DLG4: variants seen among roughly 807,000 people sequenced by gnomAD.
DLG4 encodes disks large homolog 4.
DLG4 carries 7 observed loss-of-function variants against 93.8 expected under a neutral mutation model. The observed-to-expected ratio is 0.07, with a 90% CI of 0.04 to 0.14. The LOEUF (loss-of-function observed/expected upper bound fraction) is 0.14. Among genes scored for constraint, DLG4 ranks in the 10% least tolerant of loss-of-function variants. DLG4 has a pLI of 1.00. For missense variants in DLG4, 545 were observed against 992.9 expected, an observed-to-expected ratio of 0.55 and a Z score of 6.06; for synonymous variants, 341 against 387.6, an observed-to-expected ratio of 0.88 and a Z score of 1.41.
chr17:7,194,123 G>A lies in DLG4; in HGVS notation c.1479-123C>T. On this transcript the variant is annotated intron_variant, in intron 12 of 19. Transcript: ENST00000399506. This position sits in a 1 kb window ranked among gnomAD's most constrained non-coding sequence, Gnocchi z 4.4. Reference sequence around the variant, plus strand: ...GCCAGCTGACACCCCTTCTCCTGCAGCCCTGGACACTGTGCTCCTCAATAA... The same window carrying A: ...GCCAGCTGACACCCCTTCTCCTGCAACCCTGGACACTGTGCTCCTCAATAA... The A allele has an allele frequency of 1.4e-6, 2 of 1,383,506 alleles. No homozygotes were observed. Among genetic ancestry groups the A allele is most frequent in the Admixed American group, 2.1e-5 (1 of 47,772 alleles). 85.7% of individuals were successfully genotyped at this position (1,383,506 alleles called of 1,614,324 possible). A position where few individuals can be genotyped will look rare whatever the true frequency, so the allele number is the denominator to read the frequency against.
intron 8 of DLG4, among the ~76,000 whole-genome samples, chr17:7,198,642 G>C (rs1449768279): frequency 6.6e-6 from 1 of 151,708 alleles, no homozygotes; most frequent in African/African-American, 2.4e-5. Flanking sequence ...AAGGTCAGGA[G>C]TTCAAAACCA....
upstream of DLG4, chr17:7,219,648 A>T: frequency 7.9e-7 from 1 of 1,258,518 alleles, no homozygotes; most frequent in South Asian, 1.8e-5. Flanking sequence ...CCCTCCCTTC[A>T]GTCCACCTCC....
intron 2 of DLG4, chr17:7,204,824 G>A (rs2070373452): frequency 2.1e-6 from 1 of 480,536 alleles, no homozygotes; most frequent in Non-Finnish European, 2.7e-6. Flanking sequence ...GGAATCCGGG[G>A]TTCCCCAGCT....
At chr17:7,218,588 G>A, upstream of DLG4, 1 of 1,566,816 alleles carries the variant, frequency 6.4e-7, no homozygotes, top group Non-Finnish European at 8.7e-7. Context: ...GAGGAGTGGG[G>A]GTGCCCACCG....
rs867401882 is a variant in DLG4 at position 7,196,550 on chromosome 17, G to A, written c.1109C>T (p.Ala370Val). Reference protein sequence around the residue: ...LSVNGVDLRNASHEQAAIALK... With the variant: ...LSVNGVDLRNVSHEQAAIALK... ...GGCAATGGCAGCCTGCTCATGGCTG[G>A]CATTTCGGAGGTCCACACCGTTGAC... The change falls in exon 10 of 20, where the codon GCC (alanine) becomes GTC (valine). Residue 370 changes from alanine (A) to valine (V), a missense_variant. Transcript: ENST00000399506. The surrounding 1 kb of genome is among the most constrained non-coding windows in gnomAD (Gnocchi z 8.3). The A allele has an allele frequency of 6.2e-7, 1 of 1,614,014 alleles. No individual in the cohort carries two copies. Among genetic ancestry groups the A allele is most frequent in the Non-Finnish European group, 8.5e-7 (1 of 1,179,880 alleles).
At position 7,194,461 on chromosome 17, in the gene DLG4, C is replaced by T. The variant is rs757152488; in HGVS notation, c.1336G>A (p.Gly446Ser). The change falls in exon 12 of 20, where the codon GGC (glycine) becomes AGC (serine). Residue 446 changes from glycine to serine, a missense_variant. Gly to Ser is a moderately conservative substitution (Grantham distance 56). This residue lies in a region of DLG4 where 428 missense variants were observed against 741.4 expected (regional missense o/e 0.58). Coordinates refer to ENST00000399506, the MANE Select transcript of DLG4 (RefSeq NM_001321075.3). The surrounding 1 kb of genome is among the most constrained non-coding windows in gnomAD (Gnocchi z 4.4). ...AAGCTCAGGGCCTGGCTCAGGAAGCCGCAGTCCTTGGTCTTGTCGTAATCA... is the reference window on the plus strand; with the variant it reads ...AAGCTCAGGGCCTGGCTCAGGAAGCTGCAGTCCTTGGTCTTGTCGTAATCA... ...LFDYDKTKDCGFLSQALSFRF... is the reference protein window; with the variant it reads ...LFDYDKTKDCSFLSQALSFRF... 5.0e-6 allele frequency: 8 copies of T among 1,610,476 alleles called. No individual in the cohort carries two copies. The highest frequency in any genetic ancestry group is 6.8e-6 in the Non-Finnish European group (8 of 1,178,430).
chr17:7,210,069 A>C (rs1421543795), intron 1 of DLG4, among the ~76,000 whole-genome samples: 3 of 152,146 alleles, frequency 2.0e-5, no homozygotes, highest in Admixed American at 6.5e-5. Context: ...GGGCGAGCAG[A>C]ATTTCCCTCC....
chr17:7,193,566 A>G lies in DLG4; in HGVS notation c.1610T>C (p.Ile537Thr). 6.5e-7 allele frequency: 1 copy of G among 1,530,486 alleles called. No individual in the cohort carries two copies. Among genetic ancestry groups the G allele is most frequent in the Admixed American group, 2.2e-5 (1 of 44,464 alleles). The allele number at this position is 1,530,486 out of a possible 1,614,324, so 94.8% of individuals were successfully genotyped here. ...GTCCTTGGTGGGCCCAAGGATGATG[A>G]TGGGGCGAGCATAGTGCACTGCAGA... ...TQMEVHYARP[I>T]IILGPTKDRA... Residue 537 changes from isoleucine to threonine, a missense_variant, in exon 16 of 20, where the codon ATC becomes ACC. Ile to Thr is a moderately conservative substitution (Grantham distance 89). This residue lies in a region of DLG4 where 428 missense variants were observed against 741.4 expected (regional missense o/e 0.58). Coordinates refer to ENST00000399506, the MANE Select transcript of DLG4 (RefSeq NM_001321075.3). This position sits in a 1 kb window ranked among gnomAD's most constrained non-coding sequence, Gnocchi z 6.7.
rs1254485466 is a variant in DLG4, at chr17:7,192,748, AGGGAGGT to A, written c.1866+190_1866+196del. On this transcript the variant is annotated intron_variant, in intron 17 of 19. Transcript: ENST00000399506. ...GTGGGGAATTTGGGGTCAGGAAGTGAGGGAGGTGGGAGAGAGAGCAGGGGCAGAGAGC... is the reference window on the plus strand; with the variant it reads ...GTGGGGAATTTGGGGTCAGGAAGTGAGGGAGAGAGAGCAGGGGCAGAGAGC... 4.6e-5 allele frequency among the ~76,000 whole-genome samples: 7 copies of A among 151,814 alleles called. 1 individual carries two copies. In the East Asian group the frequency reaches 1.2e-3, roughly 25 times the overall value.
intron 8 of DLG4, among the ~76,000 whole-genome samples, chr17:7,202,399 G>A (rs2070188046): frequency 6.6e-6 from 1 of 152,134 alleles, no homozygotes; most frequent in South Asian, 2.1e-4. Context: ...CATATTAAGA[G>A]ATTTCCTAAT....
In DLG4 at chr17:7,196,662, G is replaced by T. The variant is rs2069804036; in HGVS notation, c.1084-87C>A. The T allele has an allele frequency of 5.0e-6, 8 of 1,586,776 alleles. No homozygotes were observed. The South Asian group carries it at 9.0e-5, about 18-fold the overall frequency. ...GGAGCAGGGAGTGGTCCCGCAAGAG[G>T]ACTCGGCTGCAGCCCATCCAGGCCC... On this transcript the variant is annotated intron_variant, in intron 9 of 19. Coordinates refer to ENST00000399506, the MANE Select transcript of DLG4 (RefSeq NM_001321075.3). The surrounding 1 kb of genome is among the most constrained non-coding windows in gnomAD (Gnocchi z 8.3).
intron 17 of DLG4, chr17:7,192,306 G>A: frequency 2.6e-6 from 1 of 380,968 alleles, no homozygotes. Flanking sequence ...AGCCGGGGCA[G>A]CAGCGAGTGG....
chr17:7,209,436 G>A (rs1259485197), intron 1 of DLG4, among the ~76,000 whole-genome samples: 1 of 151,972 alleles, frequency 6.6e-6, no homozygotes, highest in African/African-American at 2.4e-5. Flanking sequence ...GGTATCATAC[G>A]CAGGGATCCC....
rs2070584746 is a variant in DLG4 at position 7,208,544 on chromosome 17, G to A, written c.31-305C>T. ...GGTGGGCATAGCCCCTCTGGCATCTGTGTCTTCACCCCTTTCCCCACCACC... is the reference window on the plus strand; with the variant it reads ...GGTGGGCATAGCCCCTCTGGCATCTATGTCTTCACCCCTTTCCCCACCACC... On this transcript the variant is annotated intron_variant, in intron 1 of 19. Transcript: ENST00000399506. This position sits in a 1 kb window ranked among gnomAD's most constrained non-coding sequence, Gnocchi z 5.4. Among the ~76,000 whole-genome samples the A allele has an allele frequency of 6.6e-6, 1 of 152,050 alleles. No homozygotes were observed. The highest frequency in any genetic ancestry group is 1.5e-5 in the Non-Finnish European group (1 of 68,008).
chr17:7,212,548 C>G (rs1280861905), intron 1 of DLG4, among the ~76,000 whole-genome samples: 1 of 152,152 alleles, frequency 6.6e-6, no homozygotes, highest in Non-Finnish European at 1.5e-5. Flanking sequence ...TCCTAATATG[C>G]CAGTCTCCAA....
At chr17:7,217,961 G>A, upstream of DLG4, 1 of 813,202 alleles carries the variant, frequency 1.2e-6, no homozygotes, top group Non-Finnish European at 1.9e-6. Context: ...ATCCCTGGGG[G>A]CCTAGTTCTC....
chr17:7,192,941 C>A lies in DLG4; in HGVS notation c.1866+4G>T. The A allele has an allele frequency of 6.2e-7, 1 of 1,610,264 alleles. No individual in the cohort carries two copies. Among genetic ancestry groups the A allele is most frequent in the Non-Finnish European group, 8.5e-7 (1 of 1,178,104 alleles). ...AAGAGGACCGGGTGCCCGCCAGGTCCTACCTGCTCTGCCACCTCTCGCACG... is the reference window on the plus strand; with the variant it reads ...AAGAGGACCGGGTGCCCGCCAGGTCATACCTGCTCTGCCACCTCTCGCACG... On this transcript the variant is annotated splice_donor_region_variant and intron_variant, in intron 17 of 19. Coordinates refer to ENST00000399506, the MANE Select transcript of DLG4 (RefSeq NM_001321075.3).
chr17:7,197,045 G>C lies in DLG4; in HGVS notation c.795C>G (p.Ser265=). The change falls in exon 9 of 20, where the codon TCC becomes TCG. Residue 265 remains serine, a synonymous_variant. Coordinates refer to ENST00000399506, the MANE Select transcript of DLG4 (RefSeq NM_001321075.3). Reference sequence around the variant, plus strand: ...GACTGATCTCATTGTCCAGGTGCTGGGAATAAGCTGAGGAAGACAGGGCAG... The same window carrying C: ...GACTGATCTCATTGTCCAGGTGCTGCGAATAAGCTGAGGAAGACAGGGCAG... ...YAPPDITTSY[S]QHLDNEISHS... 6.2e-7 allele frequency: 1 copy of C among 1,608,076 alleles called. No homozygotes were observed. The highest frequency in any genetic ancestry group is 8.5e-7 in the Non-Finnish European group (1 of 1,176,004).
Position 7,203,185 on chromosome 17 carries a change from G to C in DLG4, c.642+8C>G. 6.3e-7 allele frequency: 1 copy of C among 1,588,730 alleles called. No individual in the cohort carries two copies. The highest frequency in any genetic ancestry group is 1.1e-5 in the South Asian group (1 of 88,878). Reference sequence around the variant, plus strand: ...TGGGCTAGAAAATGGGCTAGATGGAGTCCTCACCGCCAGGATCTTGTCTCC... The same window carrying C: ...TGGGCTAGAAAATGGGCTAGATGGACTCCTCACCGCCAGGATCTTGTCTCC... On this transcript the variant is annotated splice_region_variant and intron_variant, in intron 7 of 19. Transcript: ENST00000399506. The surrounding 1 kb of genome is among the most constrained non-coding windows in gnomAD (Gnocchi z 7.2).
Sources: gnomAD v4.1 joint callset for allele counts (sites outside exome capture counted in the v4.1 genomes callset) on GRCh38, gnomAD v4.1.1 for gene constraint, gnomAD v4.1.1 regional missense constraint, Gnocchi (gnomAD v3.1) non-coding constraint, MANE v1.5 for transcripts, NCBI Gene and HGNC (gene_info 2026-07-23, HGNC 2026-07-21) for gene names.